Variants in CAND1 observed in about 807,000 individuals in gnomAD.
The protein encoded by CAND1 is cullin associated and neddylation dissociated 1, also known as cullin-associated NEDD8-dissociated protein 1.
A neutral mutation model predicts 108.5 loss-of-function variants in CAND1; 7 were observed. That is an observed-to-expected ratio of 0.06 (90% CI 0.04 to 0.12). CAND1 has a LOEUF of 0.12. Among genes scored for constraint, CAND1 ranks in the 10% least tolerant of loss-of-function variants. The pLI, the probability that CAND1 is intolerant of heterozygous loss-of-function variation, is 1.00. For synonymous variants in CAND1, 534 were observed against 512.0 expected, an observed-to-expected ratio of 1.04 and a Z score of -0.58; for missense variants, 941 against 1,448.7, an observed-to-expected ratio of 0.65 and a Z score of 5.69.
intron 4 of CAND1, 79 bp downstream of exon 4, chr12:67,295,235 T>C (rs1030393853): frequency 3.8e-6 from 5 of 1,311,640 alleles, no homozygotes; most frequent in South Asian, 1.5e-5. Context: ...CTAGTAAATA[T>C]AATAAAACTT....
chr12:67,305,028 C>G lies in CAND1; in HGVS notation c.1436-76C>G. 1.6e-6 allele frequency: 2 copies of G among 1,224,704 alleles called. No individual in the cohort carries two copies. Among genetic ancestry groups the G allele is most frequent in the Non-Finnish European group, 2.3e-6 (2 of 874,938 alleles). The allele number at this position is 1,224,704 out of a possible 1,614,324, so 75.9% of individuals were successfully genotyped here. On this transcript the variant is annotated intron_variant, in intron 9 of 14. Transcript: ENST00000545606. The surrounding 1 kb of genome is among the most constrained non-coding windows in gnomAD (Gnocchi z 4.4). ...TAATGAAGTGGGAACATTAGCAGTA[C>G]TATAGGGGTTGATTTTTAATTTTTC... is the stretch of plus-strand genomic sequence containing the variant.
intron 7 of CAND1, 77 bp from the exon 8 acceptor site, chr12:67,302,246 T>C (rs2044832046): frequency 1.5e-6 from 2 of 1,305,316 alleles, no homozygotes; most frequent in Non-Finnish European, 2.1e-6. Flanking sequence ...TGGTTAAGAA[T>C]ATCAATTGAT....
intron 11 of CAND1, among the ~76,000 whole-genome samples, chr12:67,308,745 G>A (rs755223037): frequency 6.6e-6 from 1 of 151,914 alleles, no homozygotes; most frequent in Admixed American, 6.6e-5. Flanking sequence ...TACCAGTTTA[G>A]TATGCAAATA....
Position 67,292,625 on chromosome 12 carries a change from T to G in CAND1, c.216T>G (p.Leu72=), listed in dbSNP as rs1003343070. Residue 72 remains leucine (L), a synonymous_variant, in exon 3 of 15, where the codon CTT becomes CTG. Transcript: ENST00000545606. ...CAATTTCTTCTTTGTATTACAGTCT[T>G]GGTCCTTTAGTGAGTAAAGTGAAAG... The part of the protein sequence containing the change: ...GEVQNLAVKC[L]GPLVSKVKEY... The G allele has an allele frequency of 1.2e-6, 2 of 1,605,570 alleles. No homozygotes were observed. The highest frequency in any genetic ancestry group is 2.7e-5 in the African/African-American group (2 of 74,408).
chr12:67,281,116 A>C (rs2044615734), intron 1 of CAND1, among the ~76,000 whole-genome samples: 1 of 150,294 alleles, frequency 6.7e-6, no homozygotes, highest in Non-Finnish European at 1.5e-5. Flanking sequence ...TTTCTTATAA[A>C]TTATAATTAT....
intron 1 of CAND1, among the ~76,000 whole-genome samples, chr12:67,274,671 A>G (rs1033968137): frequency 6.6e-6 from 1 of 152,242 alleles, no homozygotes; most frequent in East Asian, 1.9e-4. Context: ...TTTAAATACC[A>G]CTTGATAGAA....
At position 67,315,662 on chromosome 12, in the gene CAND1, A is replaced by G. The variant is rs999017246; in HGVS notation, c.*2832A>G. 9.6e-5 allele frequency: 14 copies of G among 146,336 alleles called. No individual in the cohort carries two copies. Among genetic ancestry groups the G allele is most frequent in the Admixed American group, 7.9e-4 (12 of 15,126 alleles). 9.1% of individuals were successfully genotyped at this position (146,336 alleles called of 1,614,324 possible). On this transcript the variant is annotated 3_prime_UTR_variant, in exon 15 of 15. Coordinates refer to ENST00000545606, the MANE Select transcript of CAND1 (RefSeq NM_018448.5). The stretch of plus-strand genomic sequence containing the variant: ...TTTCATCAAATGTTTGAATATTTAC[A>G]TAATTTTTATGTAACCATAATTAAA...
chr12:67,276,204 C>T (rs1003824932), intron 1 of CAND1, among the ~76,000 whole-genome samples: 20 of 152,202 alleles, frequency 1.3e-4, no homozygotes, highest in African/African-American at 4.8e-4. Flanking sequence ...AAGATAAACT[C>T]CAGATTTCTT....
rs575910938 is a variant in CAND1, at chr12:67,318,463, G to C, written c.*5633G>C. On this transcript the variant is annotated 3_prime_UTR_variant, in exon 15 of 15. Transcript: ENST00000545606. ...GGATTAAATAGGAACATTGTATAAAGCACTTAAAACAGTACCTGGGACATA... is the reference window on the plus strand; with the variant it reads ...GGATTAAATAGGAACATTGTATAAACCACTTAAAACAGTACCTGGGACATA... 6.6e-6 allele frequency: 1 copy of C among 152,274 alleles called. No individual in the cohort carries two copies. Among genetic ancestry groups the C allele is most frequent in the East Asian group, 1.9e-4 (1 of 5,184 alleles). The allele number at this position is 152,274 out of a possible 1,614,324, so 9.4% of individuals were successfully genotyped here.
At chr12:67,304,229 C>A (rs1446967572) in intron 8 of CAND1, among the ~76,000 whole-genome samples, 1 of 152,102 alleles carries the variant, frequency 6.6e-6, no homozygotes, top group Non-Finnish European at 1.5e-5. Context: ...ACCTCGTGAT[C>A]TGCCTGCCTC....
At chr12:67,297,208 C>T in intron 4 of CAND1, 199 bp from the exon 5 acceptor site, 1 of 650,984 alleles carries the variant, frequency 1.5e-6, no homozygotes, top group Non-Finnish European at 2.8e-6. Context: ...ATGTAAATTT[C>T]AGTGCTGCAT....
chr12:67,270,489 A>T (rs1243943443), intron 1 of CAND1: 1 of 152,192 alleles, frequency 6.6e-6, no homozygotes, highest in Non-Finnish European at 1.5e-5. Context: ...ATGTCCTCAT[A>T]TCCAAAATCA....
At chr12:67,293,042 T>G in intron 3 of CAND1, 1 of 372,124 alleles carries the variant, frequency 2.7e-6, no homozygotes, top group Admixed American at 4.7e-5. Flanking sequence ...TTATACTGTG[T>G]GTACCATGAC....
intron 2 of CAND1, among the ~76,000 whole-genome samples, chr12:67,291,295 C>A (rs1323407432): frequency 1.3e-5 from 2 of 152,190 alleles, no homozygotes; most frequent in Non-Finnish European, 2.9e-5. Flanking sequence ...TTCATCTTTA[C>A]AACCAGTTAC....
chr12:67,269,511 C>A lies in CAND1; in HGVS notation c.-207C>A, dbSNP rs1475285836. Reference sequence around the variant, plus strand: ...CGTCGTTAGGCTGGCTCTGTAGCCTCGGCTTACCCCGGGACAGGCCCACGC... The same window carrying A: ...CGTCGTTAGGCTGGCTCTGTAGCCTAGGCTTACCCCGGGACAGGCCCACGC... On this transcript the variant is annotated 5_prime_UTR_variant, in exon 1 of 15. Coordinates refer to ENST00000545606, the MANE Select transcript of CAND1 (RefSeq NM_018448.5). 1 of 546,150 alleles carries A rather than the reference C, an allele frequency of 1.8e-6. No homozygotes were observed. The highest frequency in any genetic ancestry group is 3.2e-6 in the Non-Finnish European group (1 of 314,666). 33.8% of individuals were successfully genotyped at this position (546,150 alleles called of 1,614,324 possible). A position where few individuals can be genotyped will look rare whatever the true frequency, so the allele number is the denominator to read the frequency against.
chr12:67,295,009 A>G, intron 3 of CAND1, 24 bp from the exon 4 acceptor site: 2 of 1,601,820 alleles, frequency 1.2e-6, no homozygotes, highest in South Asian at 1.1e-5. Flanking sequence ...CCTTGAAATT[A>G]TTATTGGCTT....
At position 67,306,238 on chromosome 12, in the gene CAND1, T is replaced by C. The variant is rs2044883586; in HGVS notation, c.2570T>C (p.Leu857Pro). The C allele has an allele frequency of 6.2e-7, 1 of 1,614,118 alleles. No individual in the cohort carries two copies. The highest frequency in any genetic ancestry group is 8.5e-7 in the Non-Finnish European group (1 of 1,179,986). ...HHIDLSGQLE[L>P]KSVILEAFSS... ...ATTGACTTAAGTGGACAGTTGGAAC[T>C]AAAATCTGTAATACTAGAAGCTTTC... Residue 857 changes from leucine (L) to proline (P), a missense_variant, in exon 10 of 15, where the codon CTA becomes CCA. By Grantham distance (98) the Leu-to-Pro change is moderately conservative. Around this residue, in one of 9 missense-constraint regions of CAND1, gnomAD observed 697 missense variants for 942.0 expected, o/e 0.74. Coordinates refer to ENST00000545606, the MANE Select transcript of CAND1 (RefSeq NM_018448.5).
chr12:67,303,883 CTTG>C (rs1001006083), intron 8 of CAND1, among the ~76,000 whole-genome samples: 5 of 151,924 alleles, frequency 3.3e-5, no homozygotes, highest in African/African-American at 1.2e-4. Flanking sequence ...CATAATTTGT[CTTG>C]TTTCCTTTGA....
chr12:67,309,792 A>G, intron 11 of CAND1, 109 bp from the exon 12 acceptor site: 1 of 767,308 alleles, frequency 1.3e-6, no homozygotes, highest in South Asian at 2.3e-5. Flanking sequence ...CACTGAAGAA[A>G]TAACAATGAC....
Sources: gnomAD v4.1 joint callset for allele counts (sites outside exome capture counted in the v4.1 genomes callset) on GRCh38, gnomAD v4.1.1 for gene constraint, gnomAD v4.1.1 regional missense constraint, Gnocchi (gnomAD v3.1) non-coding constraint, MANE v1.5 for transcripts, NCBI Gene and HGNC (gene_info 2026-07-23, HGNC 2026-07-21) for gene names.